The following CPXM2 variants were observed in gnomAD, a reference collection of about 807,000 sequenced individuals.
The protein encoded by CPXM2 is carboxypeptidase X, M14 family member 2, also known as inactive carboxypeptidase-like protein X2.
CPXM2 carries 66 observed loss-of-function variants against 86.1 expected under a neutral mutation model. The observed-to-expected ratio is 0.77, with a 90% CI of 0.63 to 0.94. The LOEUF is 0.94. Ranked by LOEUF, CPXM2 falls within the 40% of genes least tolerant of loss-of-function variation. CPXM2 has a pLI of 0.00. For missense variants in CPXM2, 948 were observed against 1,026.3 expected (o/e 0.92, Z 1.04); for synonymous variants, 388 against 400.2 (o/e 0.97, Z 0.36).
rs559962486 is a variant in CPXM2, at chr10:123,801,131, A to G, written c.654-1932T>C. On this transcript the variant is annotated intron_variant, in intron 4 of 13. Coordinates refer to ENST00000241305, the MANE Select transcript of CPXM2 (RefSeq NM_198148.3). The stretch of plus-strand genomic sequence containing the variant: ...TCACCCAAATTTCATTTTGAATTGT[A>G]GCTCCCATAATCCCCACATGTTGTT... Among the ~76,000 whole-genome samples, 95 of 152,282 alleles carry G rather than the reference A, an allele frequency of 6.2e-4. 1 individual carries two copies. Among genetic ancestry groups the G allele is most frequent in the Non-Finnish European group, 1.1e-3 (78 of 68,026 alleles).
At chr10:123,900,655 G>C (rs1945374500) in intron 2 of CPXM2, among the ~76,000 whole-genome samples, 1 of 152,204 alleles carries the variant, frequency 6.6e-6, no homozygotes, top group Non-Finnish European at 1.5e-5. Context: ...GCAGACGCAT[G>C]CTCCTGACAT....
intron 12 of CPXM2, among the ~76,000 whole-genome samples, chr10:123,756,182 C>A (rs180776786): frequency 6.6e-6 from 1 of 152,190 alleles, no homozygotes; most frequent in Non-Finnish European, 1.5e-5. Flanking sequence ...AACCTTGTGT[C>A]CAGCCTCAGA....
At chr10:123,856,265 T>C (rs1239295667) in intron 3 of CPXM2, among the ~76,000 whole-genome samples, 2 of 152,222 alleles carry the variant, frequency 1.3e-5, no homozygotes, top group African/African-American at 4.8e-5. Context: ...TGACTTACTG[T>C]AATTTAAATT....
At chr10:123,781,859 A>G (rs1049327943) in intron 6 of CPXM2, among the ~76,000 whole-genome samples, 2 of 152,224 alleles carry the variant, frequency 1.3e-5, no homozygotes, top group Non-Finnish European at 2.9e-5. Context: ...CTGTGCCTGC[A>G]TCCCCACAGC....
intron 2 of CPXM2, among the ~76,000 whole-genome samples, chr10:123,919,750 A>C (rs1423575814): frequency 6.6e-6 from 1 of 152,238 alleles, no homozygotes; most frequent in Non-Finnish European, 1.5e-5. Context: ...TTTATAAAGA[A>C]AAGAGGTTTA....
chr10:123,900,849 G>A lies in CPXM2; in HGVS notation n.175-20540C>T, dbSNP rs569248262. Reference sequence around the variant, plus strand: ...ACTGAAACAATTTCTACATGTTACCGTTTGAAAAAGTAAGACTTGGCAAAA... The same window carrying A: ...ACTGAAACAATTTCTACATGTTACCATTTGAAAAAGTAAGACTTGGCAAAA... On this transcript the variant is annotated intron_variant and non_coding_transcript_variant, in intron 2 of 19. Coordinates refer to the CPXM2 transcript ENST00000368854. Among the ~76,000 whole-genome samples the A allele has an allele frequency of 2.1e-3, 322 of 152,236 alleles. 3 individuals carry two copies. The highest frequency in any genetic ancestry group is 7.2e-3 in the African/African-American group (298 of 41,556).
intron 2 of CPXM2, among the ~76,000 whole-genome samples, chr10:123,909,367 A>AT (rs1564820153): frequency 1.3e-5 from 2 of 152,100 alleles, no homozygotes; most frequent in South Asian, 2.1e-4. Context: ...ACAAGGCTTA[A>AT]TTTTTTTTCT....
At chr10:123,808,118 G>GA (rs11321679) in intron 4 of CPXM2, among the ~76,000 whole-genome samples, 3 of 151,868 alleles carry the variant, frequency 2.0e-5, no homozygotes, top group Admixed American at 6.6e-5. Context: ...CTTCAAATCA[G>GA]AAAAAACAGA....
At chr10:123,808,873 G>A (rs920522324) in intron 4 of CPXM2, among the ~76,000 whole-genome samples, 6 of 152,074 alleles carry the variant, frequency 3.9e-5, no homozygotes, top group Non-Finnish European at 8.8e-5. Flanking sequence ...CACATCAGAT[G>A]CCTTTGGAAG....
chr10:123,876,349 G>A (rs900229141), intron 2 of CPXM2, among the ~76,000 whole-genome samples: 1 of 152,182 alleles, frequency 6.6e-6, no homozygotes, highest in African/African-American at 2.4e-5. Context: ...ATCAGACAAG[G>A]CCCCTGCTCT....
intron 7 of CPXM2, among the ~76,000 whole-genome samples, chr10:123,775,908 A>G (rs1846774899): frequency 6.6e-6 from 1 of 152,378 alleles, no homozygotes; most frequent in African/African-American, 2.4e-5. Flanking sequence ...CCAGGAATGA[A>G]GTTTCCCATT....
At position 123,762,026 on chromosome 10, in the gene CPXM2, G is replaced by T. The variant is rs762340878; in HGVS notation, c.1623C>A (p.Pro541=). 2.9e-5 allele frequency: 47 copies of T among 1,613,596 alleles called. No individual in the cohort carries two copies. Among genetic ancestry groups the T allele is most frequent in the Non-Finnish European group, 3.9e-5 (46 of 1,179,770 alleles). ...RSPWKTQEHT[P]TPDDHVFRWL... is the part of the protein sequence containing the mutation. ...AGCGGAACACGTGGTCGTCGGGGGT[G>T]GGGGTGTGTTCCTGCGTCTTCCAGG... Residue 541 remains proline, a synonymous_variant, in exon 11 of 14, where the codon CCC becomes CCA. Coordinates refer to ENST00000241305, the MANE Select transcript of CPXM2 (RefSeq NM_198148.3).
Position 123,766,994 on chromosome 10 carries a change from C to G in CPXM2, c.1458G>C (p.Trp486Cys), listed in dbSNP as rs780532016. 1.2e-6 allele frequency: 2 copies of G among 1,614,052 alleles called. No homozygotes were observed. The highest frequency in any genetic ancestry group is 1.7e-6 in the Non-Finnish European group (2 of 1,179,902). ...TCACCGTGGCATTTTCCGACAGAAA[C>G]CACTCAGGGATTGCAATATAGTGAT... ...VPNHYIAIPE[W>C]FLSENATVAA... The change falls in exon 10 of 14, where the codon TGG (tryptophan) becomes TGC (cysteine). Residue 486 changes from tryptophan to cysteine, a missense_variant. Transcript: ENST00000241305.
In CPXM2 at chr10:123,928,131, T is replaced by C. The variant is rs550580651; in HGVS notation, n.174+11346A>G. The stretch of plus-strand genomic sequence containing the variant: ...CAGCCTGCCTTCTGCGAGACCTTCA[T>C]AGACCACAGATTCATGCTTGGAAAC... On this transcript the variant is annotated intron_variant and non_coding_transcript_variant, in intron 2 of 19. Transcript: ENST00000368854. 7.9e-5 allele frequency among the ~76,000 whole-genome samples: 12 copies of C among 152,326 alleles called. No individual in the cohort carries two copies. In the South Asian group the frequency reaches 2.3e-3, roughly 29 times the overall value.
intron 7 of CPXM2, among the ~76,000 whole-genome samples, chr10:123,776,264 T>C (rs1010704617): frequency 2.0e-5 from 3 of 152,094 alleles, no homozygotes; most frequent in Admixed American, 6.5e-5. Context: ...TGGGTAGTAA[T>C]GAAAAAGAAT....
intron 6 of CPXM2, among the ~76,000 whole-genome samples, chr10:123,793,462 CAAAAAAAAAAAAAAAAAA>C (rs34757620): frequency 1.7e-5 from 1 of 59,216 alleles, no homozygotes; most frequent in East Asian, 5.7e-4. Context: ...GACTCCGTCT[CAAAAAAAAAAAAAAAAAA>C]AAAAAAAAAA....
intron 7 of CPXM2, chr10:123,777,898 G>A (rs1158582805): frequency 1.3e-5 from 2 of 152,220 alleles, no homozygotes; most frequent in Non-Finnish European, 2.9e-5. Flanking sequence ...ATTGTCCCAA[G>A]TGAGGGAGAC....
chr10:123,935,530 A>C (rs1195582568), intron 2 of CPXM2, among the ~76,000 whole-genome samples: 3 of 152,214 alleles, frequency 2.0e-5, no homozygotes, highest in Non-Finnish European at 1.5e-5. Flanking sequence ...CAGACCTCAC[A>C]GGGAGAGGGC....
At chr10:123,792,636 G>A (rs1847230925) in intron 6 of CPXM2, among the ~76,000 whole-genome samples, 1 of 152,184 alleles carries the variant, frequency 6.6e-6, no homozygotes, top group Admixed American at 6.5e-5. Flanking sequence ...CAGGGCAGCA[G>A]GCTAGACTGA....
Sources: allele counts gnomAD v4.1 joint callset (sites outside exome capture counted in the v4.1 genomes callset), GRCh38; gene constraint gnomAD v4.1.1; transcripts MANE v1.5; gene names NCBI Gene and HGNC (gene_info 2026-07-23, HGNC 2026-07-21).